Variants in AVEN observed in about 807,000 individuals in gnomAD.
The protein encoded by AVEN is apoptosis and caspase activation inhibitor, also known as cell death regulator Aven.
Under a neutral mutation model 38.1 loss-of-function variants are expected in AVEN, and 41 were observed. The ratio of observed to expected loss-of-function variants is 1.08; its 90% CI spans 0.84 to 1.40. The LOEUF (loss-of-function observed/expected upper bound fraction) is 1.40. Among genes scored for constraint, AVEN ranks in the 40% most tolerant of loss-of-function variants. The pLI, the probability that AVEN is intolerant of heterozygous loss-of-function variation, is 0.00. For synonymous variants in AVEN, 206 were observed against 171.8 expected, an observed-to-expected ratio of 1.20 and a Z score of -1.56; for missense variants, 605 against 438.8, an observed-to-expected ratio of 1.38 and a Z score of -3.38.
At chr15:33,932,463 T>A (rs1459572290) in intron 2 of AVEN, among the ~76,000 whole-genome samples, 1 of 152,228 alleles carries the variant, frequency 6.6e-6, no homozygotes, top group South Asian at 2.1e-4. Flanking sequence ...GAAGTTAAAC[T>A]GTAACAAGAA....
At chr15:33,901,901 A>G (rs516452) in intron 2 of AVEN, among the ~76,000 whole-genome samples, 143,529 of 152,246 alleles carry the variant, frequency 0.94, 67,918 homozygotes, top group East Asian at 0.99. Flanking sequence ...AAATTTCTAA[A>G]AACTTAAAAA....
chr15:33,870,541 TTGTG>T (rs1422632562), intron 4 of AVEN, among the ~76,000 whole-genome samples: 1 of 152,230 alleles, frequency 6.6e-6, no homozygotes, highest in Non-Finnish European at 1.5e-5. Context: ...TTGTATATGT[TTGTG>T]TGACTATTTG....
At position 33,875,910 on chromosome 15, in the gene AVEN, C is replaced by CA; in HGVS notation, c.516+14dup. 1 of 1,610,416 alleles carries CA rather than the reference C, an allele frequency of 6.2e-7. No homozygotes were observed. Reference sequence around the variant, plus strand: ...AAGAAGAGCCAGTCCACACTTAACACAACTCTTATCTTACCTGTTTTGGAC... The same window carrying CA: ...AAGAAGAGCCAGTCCACACTTAACACAAACTCTTATCTTACCTGTTTTGGAC... On this transcript the variant is annotated intron_variant, in intron 3 of 5. Transcript: ENST00000306730.
intron 2 of AVEN, among the ~76,000 whole-genome samples, chr15:33,978,466 C>T (rs574368844): frequency 6.6e-6 from 1 of 152,238 alleles, no homozygotes; most frequent in East Asian, 1.9e-4. Flanking sequence ...GAGTTCAAAA[C>T]CAGCCTGATC....
chr15:33,940,291 C>G (rs771765223), intron 2 of AVEN, among the ~76,000 whole-genome samples: 2 of 152,166 alleles, frequency 1.3e-5, no homozygotes, highest in Non-Finnish European at 2.9e-5. Flanking sequence ...ATTAAGGCAG[C>G]TATTAACTTT....
chr15:33,940,142 G>A (rs1440386378), intron 2 of AVEN, among the ~76,000 whole-genome samples: 1 of 152,136 alleles, frequency 6.6e-6, no homozygotes, highest in Non-Finnish European at 1.5e-5. Flanking sequence ...TGTCATTTAA[G>A]CCACCCAGTT....
At chr15:34,007,746 T>A (rs1284092768) in intron 1 of AVEN, among the ~76,000 whole-genome samples, 1 of 152,224 alleles carries the variant, frequency 6.6e-6, no homozygotes, top group Non-Finnish European at 1.5e-5. Context: ...AATGTTTTTC[T>A]CTCTCAGTTC....
rs138220644 is a variant in AVEN at position 34,063,862 on chromosome 15, G to A, written n.1127-430C>T. The A allele has an allele frequency of 2.7e-4, 433 of 1,614,068 alleles. 2 individuals are homozygous for A. Among genetic ancestry groups the A allele is most frequent in the South Asian group, 5.3e-4 (48 of 91,088 alleles). Reference sequence around the variant, plus strand: ...CAGAAATGTGTGGCCTATAAGTTCCGATTGGTGGTAAAAGCTGACGGGAAC... The same window carrying A: ...CAGAAATGTGTGGCCTATAAGTTCCAATTGGTGGTAAAAGCTGACGGGAAC... On this transcript the variant is annotated intron_variant and non_coding_transcript_variant, in intron 4 of 11. Transcript: ENST00000675287. This position sits in a 1 kb window ranked among gnomAD's most constrained non-coding sequence, Gnocchi z 4.1.
At chr15:33,895,902 C>G (rs1251131096) in intron 2 of AVEN, among the ~76,000 whole-genome samples, 3 of 152,146 alleles carry the variant, frequency 2.0e-5, no homozygotes, top group African/African-American at 7.2e-5. Flanking sequence ...TACCCTCCTA[C>G]CTGAAACAGT....
chr15:34,068,643 A>G (rs912306088), intron 2 of AVEN, among the ~76,000 whole-genome samples: 1 of 152,172 alleles, frequency 6.6e-6, no homozygotes, highest in Admixed American at 6.6e-5. Context: ...TAGTTTTTCT[A>G]TTTGGGAAAC....
chr15:34,039,202 A>AGCGGAGCGGG lies in AVEN; in HGVS notation c.-157_-156insCCCGCTCCGC, dbSNP rs1291476193. ...GGGGCTAGGGATCGAGGCCGGCCGC[A>AGCGGAGCGGG]GCGGAGCGGGGCGGGGCGGGGCGGC... On this transcript the variant is annotated 5_prime_UTR_variant, in exon 1 of 6. Coordinates refer to ENST00000306730, the MANE Select transcript of AVEN (RefSeq NM_020371.3). 4 of 599,208 alleles carry AGCGGAGCGGG rather than the reference A, an allele frequency of 6.7e-6. No individual in the cohort carries two copies. The highest frequency in any genetic ancestry group is 8.2e-4 in the Middle Eastern group (1 of 1,214). The allele number at this position is 599,208 out of a possible 1,614,324, so 37.1% of individuals were successfully genotyped here. A position where few individuals can be genotyped will look rare whatever the true frequency, so the allele number is the denominator to read the frequency against.
At chr15:34,036,244 C>G (rs1200033282) in intron 1 of AVEN, among the ~76,000 whole-genome samples, 1 of 152,134 alleles carries the variant, frequency 6.6e-6, no homozygotes, top group African/African-American at 2.4e-5. Context: ...GAGCAAGAGA[C>G]TAAGAGATGT....
chr15:33,865,911 G>GTAACAGCTGTCAGTCAACTGCTGT (rs1567379060), downstream of AVEN: 2 of 152,510 alleles, frequency 1.3e-5, no homozygotes, highest in African/African-American at 4.8e-5. Context: ...AGTTTTTTTA[G>GTAACAGCTGTCAGTCAACTGCTGT]TAACAGCTGT....
At chr15:33,898,030 A>T (rs1222969574) in intron 2 of AVEN, among the ~76,000 whole-genome samples, 1 of 152,132 alleles carries the variant, frequency 6.6e-6, no homozygotes, top group East Asian at 1.9e-4. Flanking sequence ...TCTACTAAAA[A>T]TACAAAAAAT....
chr15:33,950,415 G>A (rs919740814), intron 2 of AVEN, among the ~76,000 whole-genome samples: 7 of 152,156 alleles, frequency 4.6e-5, no homozygotes, highest in Admixed American at 4.6e-4. Context: ...TCATTACACT[G>A]TGTATACAAA....
intron 2 of AVEN, among the ~76,000 whole-genome samples, chr15:33,937,741 C>T (rs1894143986): frequency 1.3e-5 from 2 of 151,654 alleles, no homozygotes; most frequent in Admixed American, 6.6e-5. Context: ...CTATTTCTGC[C>T]CTGTGAGCAC....
intron 2 of AVEN, 86 bp from the exon 3 acceptor site, chr15:33,876,081 C>A: frequency 7.6e-7 from 1 of 1,307,488 alleles, no homozygotes; most frequent in Non-Finnish European, 1.1e-6. Flanking sequence ...GCAAAAGTGC[C>A]ATTTCTGAAG....
At chr15:33,936,838 G>A (rs1432650584) in intron 2 of AVEN, among the ~76,000 whole-genome samples, 10 of 152,158 alleles carry the variant, frequency 6.6e-5, no homozygotes, top group Non-Finnish European at 1.0e-4. Flanking sequence ...TCAAAATTAA[G>A]ACCAAAAACA....
chr15:33,932,454 A>G (rs1035534347), intron 2 of AVEN, among the ~76,000 whole-genome samples: 3 of 152,234 alleles, frequency 2.0e-5, no homozygotes, highest in Non-Finnish European at 4.4e-5. Context: ...CTCTATGAGG[A>G]AGTTAAACTG....
Sources: allele counts gnomAD v4.1 joint callset (sites outside exome capture counted in the v4.1 genomes callset), GRCh38; gene constraint gnomAD v4.1.1; non-coding constraint Gnocchi (gnomAD v3.1); transcripts MANE v1.5; gene names NCBI Gene and HGNC (gene_info 2026-07-23, HGNC 2026-07-21).